The following NOVA1 variants were observed in gnomAD, a reference collection of about 807,000 sequenced individuals.
NOVA1 encodes the protein NOVA alternative splicing regulator 1, also known as RNA-binding protein Nova-1.
A neutral mutation model predicts 38.0 loss-of-function variants in NOVA1; 7 were observed. The ratio of observed to expected loss-of-function variants is 0.18; its 90% confidence interval spans 0.10 to 0.35. The LOEUF (loss-of-function observed/expected upper bound fraction) is 0.35, where lower values mean the gene tolerates loss of function less well. Ranked by LOEUF, NOVA1 falls within the 10% of genes least tolerant of loss-of-function variation. The pLI is 1.00. For synonymous variants in NOVA1, 270 were observed against 232.5 expected, an observed-to-expected ratio of 1.16 and a Z score of -1.47; for missense variants, 460 against 616.0, an observed-to-expected ratio of 0.75 and a Z score of 2.68.
intron 4 of NOVA1, among the ~76,000 whole-genome samples, chr14:26,466,724 G>T (rs948472139): frequency 6.6e-6 from 1 of 152,090 alleles, no homozygotes; most frequent in African/African-American, 2.4e-5. Context: ...GGGCCTTTTG[G>T]GAGGTGTTTA....
At chr14:26,581,193 G>A in intron 2 of NOVA1, among the ~76,000 whole-genome samples, 1 of 152,096 alleles carries the variant, frequency 6.6e-6, no homozygotes, top group South Asian at 2.1e-4. Flanking sequence ...TAGAAGTCTT[G>A]TATTCGTCGT....
intron 2 of NOVA1, among the ~76,000 whole-genome samples, chr14:26,514,793 T>A (rs1330706492): frequency 1.3e-5 from 2 of 149,078 alleles, no homozygotes; most frequent in Non-Finnish European, 3.0e-5. Context: ...TTCCTTTAAT[T>A]AAAAATACAT....
intron 2 of NOVA1, among the ~76,000 whole-genome samples, chr14:26,537,813 A>C (rs1251135948): frequency 2.6e-5 from 4 of 152,186 alleles, no homozygotes; most frequent in Admixed American, 2.6e-4. Flanking sequence ...AAAGAAAACA[A>C]AACAGAGACA....
At chr14:26,488,431 C>T (rs1412373022) in intron 2 of NOVA1, among the ~76,000 whole-genome samples, 1 of 152,002 alleles carries the variant, frequency 6.6e-6, no homozygotes, top group Non-Finnish European at 1.5e-5. Context: ...CTAGCTATTC[C>T]CATAAAGTAG....
chr14:26,580,682 C>A (rs570745613), intron 2 of NOVA1, among the ~76,000 whole-genome samples: 1 of 151,810 alleles, frequency 6.6e-6, no homozygotes. Flanking sequence ...CCACTAAAAA[C>A]AATAACTGCT....
At chr14:26,520,626 C>G (rs1888803038) in intron 2 of NOVA1, among the ~76,000 whole-genome samples, 1 of 152,040 alleles carries the variant, frequency 6.6e-6, no homozygotes, top group African/African-American at 2.4e-5. Context: ...TCAGGTGACT[C>G]AAATTCTTTT....
At chr14:26,480,338 T>A (rs556007841) in intron 2 of NOVA1, among the ~76,000 whole-genome samples, 195 bp from the exon 3 acceptor site, 1 of 152,278 alleles carries the variant, frequency 6.6e-6, no homozygotes, top group East Asian at 1.9e-4. Flanking sequence ...GTTGTTTTGG[T>A]CTCAAAAAGG....
intron 2 of NOVA1, among the ~76,000 whole-genome samples, chr14:26,558,291 C>T (rs1891617569): frequency 6.6e-6 from 1 of 152,114 alleles, no homozygotes; most frequent in Admixed American, 6.6e-5. Flanking sequence ...ATTGTACCAA[C>T]TGTACCACAC....
At chr14:26,533,298 G>A (rs1889851404) in intron 2 of NOVA1, among the ~76,000 whole-genome samples, 2 of 152,116 alleles carry the variant, frequency 1.3e-5, no homozygotes. Flanking sequence ...TCGCTTAGGA[G>A]CCACTTATGC....
intron 2 of NOVA1, among the ~76,000 whole-genome samples, chr14:26,514,670 T>C (rs988960429): frequency 2.0e-4 from 30 of 151,990 alleles, no homozygotes; most frequent in Middle Eastern, 3.4e-3. Flanking sequence ...CAGAGAAATA[T>C]ATAAACTGGT....
Position 26,443,852 on chromosome 14 carries a change from C to T in NOVA1, c.*4107G>A, listed in dbSNP as rs1390400370. On this transcript the variant is annotated 3_prime_UTR_variant, in exon 5 of 5. Transcript: ENST00000539517. The stretch of plus-strand genomic sequence containing the variant: ...CTCAAAATTATTGTGTATAGCCATG[C>T]TTGCCCTGTATTTAATGAGTGATGA... The T allele has an allele frequency of 2.6e-5, 4 of 151,900 alleles. No homozygotes were observed. The highest frequency in any genetic ancestry group is 9.7e-5 in the African/African-American group (4 of 41,378). 9.4% of individuals were successfully genotyped at this position (151,900 alleles called of 1,614,324 possible). A position where few individuals can be genotyped will look rare whatever the true frequency, so the allele number is the denominator to read the frequency against.
chr14:26,579,053 C>CTTTTTTTTTTTT (rs869075814), intron 2 of NOVA1, among the ~76,000 whole-genome samples: 2 of 80,076 alleles, frequency 2.5e-5, no homozygotes, highest in Non-Finnish European at 4.2e-5. Flanking sequence ...AGGTGGTATT[C>CTTTTTTTTTTTT]TTTTTTTTTT....
intron 4 of NOVA1, among the ~76,000 whole-genome samples, chr14:26,466,711 G>C (rs998500329): frequency 6.6e-6 from 1 of 152,148 alleles, no homozygotes; most frequent in East Asian, 1.9e-4. Context: ...GTTTTGGGAG[G>C]TGGGGCCTTT....
At chr14:26,549,594 A>G in intron 2 of NOVA1, 2 of 464,658 alleles carry the variant, frequency 4.3e-6, no homozygotes, top group South Asian at 4.8e-5. Flanking sequence ...ACTGACCTCA[A>G]TACACTTTTA....
intron 2 of NOVA1, among the ~76,000 whole-genome samples, chr14:26,510,397 T>A (rs1043067999): frequency 6.6e-6 from 1 of 152,148 alleles, no homozygotes; most frequent in African/African-American, 2.4e-5. Flanking sequence ...CAAATAAACT[T>A]CAGAAGGGTC....
At chr14:26,531,639 G>A (rs1051629315) in intron 2 of NOVA1, among the ~76,000 whole-genome samples, 1 of 144,772 alleles carries the variant, frequency 6.9e-6, no homozygotes, top group East Asian at 2.0e-4. Flanking sequence ...AAACTTGTAG[G>A]AGAAAATCTG....
chr14:26,555,945 AAC>A (rs1457746258), intron 2 of NOVA1, among the ~76,000 whole-genome samples: 3 of 152,180 alleles, frequency 2.0e-5, no homozygotes, highest in Admixed American at 1.3e-4. Flanking sequence ...ATATAAAACT[AAC>A]AAAATATGTT....
chr14:26,534,257 G>A lies in NOVA1; in HGVS notation c.281-54114C>T, dbSNP rs972842483. 2.6e-5 allele frequency among the ~76,000 whole-genome samples: 4 copies of A among 152,274 alleles called. 1 individual carries two copies. Among genetic ancestry groups the A allele is most frequent in the Admixed American group, 6.5e-5 (1 of 15,294 alleles). On this transcript the variant is annotated intron_variant, in intron 2 of 4. Coordinates refer to ENST00000539517, the MANE Select transcript of NOVA1 (RefSeq NM_002515.3). ...TACAGCTTAATACAGAAATGCAAGTGTGGGCTAATATTTGGTAGTACATAA... is the reference window on the plus strand; with the variant it reads ...TACAGCTTAATACAGAAATGCAAGTATGGGCTAATATTTGGTAGTACATAA...
At position 26,584,474 on chromosome 14, in the gene NOVA1, T is replaced by C. The variant is rs538290469; in HGVS notation, c.280+10936A>G. On this transcript the variant is annotated intron_variant, in intron 2 of 4. Coordinates refer to ENST00000539517, the MANE Select transcript of NOVA1 (RefSeq NM_002515.3). Reference sequence around the variant, plus strand: ...GCAGATGTAGATTTAAAAAATATTCTTGCTAACGAATATATCTAGGAAGAA... The same window carrying C: ...GCAGATGTAGATTTAAAAAATATTCCTGCTAACGAATATATCTAGGAAGAA... Among the ~76,000 whole-genome samples, 4 of 151,642 alleles carry C rather than the reference T, an allele frequency of 2.6e-5. No individual in the cohort carries two copies. The East Asian group carries it at 5.8e-4, about 22-fold the overall frequency.
Sources: allele counts gnomAD v4.1 joint callset (sites outside exome capture counted in the v4.1 genomes callset), GRCh38; gene constraint gnomAD v4.1.1; transcripts MANE v1.5; gene names NCBI Gene and HGNC (gene_info 2026-07-23, HGNC 2026-07-21).